DLG2: variants seen among roughly 807,000 people sequenced by gnomAD.
DLG2 encodes the protein discs large MAGUK scaffold protein 2.
In DLG2, 45 loss-of-function variants were observed where a neutral mutation model predicts 132.5. The observed-to-expected ratio is 0.34, with a 90% CI of 0.27 to 0.44. The LOEUF is 0.44. DLG2 is among the 20% of genes least tolerant of loss of function. DLG2 has a pLI of 1.00. For synonymous variants in DLG2, 424 were observed against 419.6 expected, an observed-to-expected ratio of 1.01 and a Z score of -0.13; for missense variants, 1,045 against 1,196.9, an observed-to-expected ratio of 0.87 and a Z score of 1.87.
chr11:84,429,649 A>G (rs999627632), intron 7 of DLG2, among the ~76,000 whole-genome samples: 1 of 152,224 alleles, frequency 6.6e-6, no homozygotes, highest in African/African-American at 2.4e-5. Context: ...CATTTTTTAA[A>G]GCGGGATGGC....
chr11:84,660,021 C>T (rs1336924010), intron 6 of DLG2, among the ~76,000 whole-genome samples: 1 of 152,030 alleles, frequency 6.6e-6, no homozygotes, highest in Non-Finnish European at 1.5e-5. Context: ...CAAAATATTA[C>T]CAACCAGGAA....
intron 6 of DLG2, among the ~76,000 whole-genome samples, chr11:84,777,723 G>T (rs929291002): frequency 1.3e-5 from 2 of 151,942 alleles, no homozygotes; most frequent in African/African-American, 4.8e-5. Context: ...GTGACGTTGA[G>T]CATTATTTCA....
chr11:84,703,862 A>G (rs1322390540), intron 6 of DLG2, among the ~76,000 whole-genome samples: 1 of 112,010 alleles, frequency 8.9e-6, no homozygotes, highest in African/African-American at 5.4e-5. Flanking sequence ...GTGAAGATAT[A>G]TATATATATA....
chr11:85,209,641 T>C (rs1286149248), intron 4 of DLG2, among the ~76,000 whole-genome samples: 2 of 144,592 alleles, frequency 1.4e-5, no homozygotes, highest in Admixed American at 7.1e-5. Flanking sequence ...GGTTTCACCA[T>C]GTTGGCTAGG....
intron 6 of DLG2, among the ~76,000 whole-genome samples, chr11:84,895,902 G>A (rs2090121940): frequency 6.6e-6 from 1 of 152,068 alleles, no homozygotes; most frequent in Non-Finnish European, 1.5e-5. Context: ...GTGCATGTAG[G>A]TGTTCACCAG....
chr11:85,412,267 T>C (rs2089378142), intron 3 of DLG2, among the ~76,000 whole-genome samples: 1 of 151,778 alleles, frequency 6.6e-6, no homozygotes, highest in Admixed American at 6.6e-5. Context: ...ATAGTCCTCA[T>C]TGCTCTGGCA....
intron 7 of DLG2, among the ~76,000 whole-genome samples, chr11:84,362,720 T>C (rs2098657005): frequency 6.6e-6 from 1 of 152,030 alleles, no homozygotes; most frequent in East Asian, 1.9e-4. Context: ...CCATGTGTTC[T>C]CATTGTTCAA....
At chr11:84,143,704 C>G (rs1160167262) in intron 9 of DLG2, among the ~76,000 whole-genome samples, 3 of 152,130 alleles carry the variant, frequency 2.0e-5, no homozygotes. Context: ...CTCTGTGTAA[C>G]TAGGCTCTAT....
At chr11:84,849,480 C>G (rs2081922346) in intron 6 of DLG2, among the ~76,000 whole-genome samples, 1 of 152,110 alleles carries the variant, frequency 6.6e-6, no homozygotes, top group South Asian at 2.1e-4. Flanking sequence ...CCTCTCCATG[C>G]TATAATCTAG....
intron 8 of DLG2, among the ~76,000 whole-genome samples, chr11:84,219,534 C>T (rs1191082933): frequency 1.3e-5 from 2 of 152,094 alleles, no homozygotes; most frequent in Non-Finnish European, 2.9e-5. Context: ...ATGGTAAATT[C>T]GCATGAAATT....
chr11:85,036,957 T>C (rs1431656142), intron 6 of DLG2, among the ~76,000 whole-genome samples: 1 of 152,172 alleles, frequency 6.6e-6, no homozygotes, highest in African/African-American at 2.4e-5. Flanking sequence ...TCTCTGTTTG[T>C]TCTCAGAAGT....
intron 9 of DLG2, among the ~76,000 whole-genome samples, chr11:84,147,552 C>T (rs2095131262): frequency 6.6e-6 from 1 of 152,042 alleles, no homozygotes; most frequent in Non-Finnish European, 1.5e-5. Flanking sequence ...TAGCCTGGAA[C>T]TAAGTTCTCA....
chr11:85,511,704 A>T (rs2094074152), intron 3 of DLG2, among the ~76,000 whole-genome samples: 1 of 147,146 alleles, frequency 6.8e-6, no homozygotes, highest in Non-Finnish European at 1.5e-5. Flanking sequence ...TTTCCAACAC[A>T]CTGTAAATGT....
chr11:84,583,409 C>T (rs1230548012), intron 6 of DLG2, among the ~76,000 whole-genome samples: 1 of 152,186 alleles, frequency 6.6e-6, no homozygotes, highest in Non-Finnish European at 1.5e-5. Flanking sequence ...AACTCAAGTC[C>T]ACTTTCAGGT....
chr11:85,184,108 C>T (rs994877583), intron 4 of DLG2, among the ~76,000 whole-genome samples: 2 of 151,842 alleles, frequency 1.3e-5, no homozygotes, highest in Non-Finnish European at 2.9e-5. Context: ...TCCCTTAACC[C>T]TTGGCATTCC....
intron 3 of DLG2, among the ~76,000 whole-genome samples, chr11:85,461,010 AT>A (rs1036291993): frequency 2.6e-5 from 4 of 152,118 alleles, no homozygotes; most frequent in Non-Finnish European, 5.9e-5. Context: ...ATGAAGAGTA[AT>A]TTCTCAAAGA....
At chr11:84,676,843 G>A in intron 6 of DLG2, among the ~76,000 whole-genome samples, 1 of 151,990 alleles carries the variant, frequency 6.6e-6, no homozygotes, top group East Asian at 1.9e-4. Flanking sequence ...TAAAAGGCCT[G>A]ATACTTGAAG....
chr11:85,062,264 A>G (rs932735915), intron 6 of DLG2, among the ~76,000 whole-genome samples: 1 of 151,800 alleles, frequency 6.6e-6, no homozygotes, highest in Non-Finnish European at 1.5e-5. Flanking sequence ...AATTATATCA[A>G]TGCAATAGTT....
chr11:84,162,124 A>G (rs2095559541), intron 9 of DLG2, among the ~76,000 whole-genome samples: 1 of 152,166 alleles, frequency 6.6e-6, no homozygotes, highest in Non-Finnish European at 1.5e-5. Flanking sequence ...TACTTGAATG[A>G]TAGCTTAGTG....
Sources: gnomAD v4.1 joint callset for allele counts (sites outside exome capture counted in the v4.1 genomes callset) on GRCh38, gnomAD v4.1.1 for gene constraint, MANE v1.5 for transcripts, NCBI Gene and HGNC (gene_info 2026-07-23, HGNC 2026-07-21) for gene names.